PLIN1: variants seen among roughly 807,000 people sequenced by gnomAD.
The protein encoded by PLIN1 is perilipin-1.
In PLIN1, 37 loss-of-function variants were observed where a neutral mutation model predicts 45.8. The ratio of observed to expected loss-of-function variants is 0.81; its 90% CI spans 0.62 to 1.06. The LOEUF is 1.06. Among genes scored for constraint, PLIN1 ranks in the 50% least tolerant of loss-of-function variants. PLIN1 has a pLI of 0.00. For synonymous variants in PLIN1, 340 were observed against 309.2 expected (o/e 1.10, Z -1.05); for missense variants, 776 against 716.5 (o/e 1.08, Z -0.95).
chr15:89,667,170 C>T lies in PLIN1; in HGVS notation c.975G>A (p.Leu325=), dbSNP rs141040593. Residue 325 remains leucine, a synonymous_variant, in exon 8 of 9, where the codon CTG becomes CTA. Coordinates refer to ENST00000300055, the MANE Select transcript of PLIN1 (RefSeq NM_002666.5). ...CACCCAGGAGGCCTCGAGGGCCTGG[C>T]AGGGCTGCTACCTGGGGGCCAAAGC... ...EENKFSEVAA[L]PGPRGLLGGV... 5 of 1,613,216 alleles carry T rather than the reference C, an allele frequency of 3.1e-6. No individual in the cohort carries two copies. Among genetic ancestry groups the T allele is most frequent in the South Asian group, 1.1e-5 (1 of 91,060 alleles).
intron 3 of PLIN1, among the ~76,000 whole-genome samples, chr15:89,672,172 G>T (rs925380996): frequency 6.6e-6 from 1 of 152,168 alleles, no homozygotes; most frequent in Admixed American, 6.5e-5. Context: ...TGTTGAGATG[G>T]TCAACTGTCC....
Position 89,665,447 on chromosome 15 carries a change from TG to T in PLIN1, c.*135del. 1.7e-6 allele frequency: 1 copy of T among 601,002 alleles called. No individual in the cohort carries two copies. Among genetic ancestry groups the T allele is most frequent in the Non-Finnish European group, 2.6e-6 (1 of 390,416 alleles). 37.2% of individuals were successfully genotyped at this position (601,002 alleles called of 1,614,324 possible). The stretch of plus-strand genomic sequence containing the variant: ...TAAAATAAAAATAAAAAGTGCGCCT[TG>T]GCAGCATCATCAGGATGAGGCTGAG... On this transcript the variant is annotated 3_prime_UTR_variant, in exon 9 of 9. Coordinates refer to ENST00000300055, the MANE Select transcript of PLIN1 (RefSeq NM_002666.5).
chr15:89,675,051 G>A (rs1229267346), intron 2 of PLIN1, among the ~76,000 whole-genome samples: 3 of 152,118 alleles, frequency 2.0e-5, no homozygotes, highest in African/African-American at 7.2e-5. Flanking sequence ...GGGAGTTGGA[G>A]GCTGTAGTGA....
chr15:89,677,364 G>A (rs2141540913), intron 2 of PLIN1, 81 bp downstream of exon 2: 4 of 1,098,180 alleles, frequency 3.6e-6, no homozygotes, highest in Middle Eastern at 2.0e-4. Flanking sequence ...CTTGCTCTAA[G>A]TCCCCTGCAT....
At chr15:89,669,750 G>A in intron 5 of PLIN1, 78 bp from the exon 6 acceptor site, 2 of 1,316,290 alleles carry the variant, frequency 1.5e-6, no homozygotes, top group Non-Finnish European at 2.1e-6. Flanking sequence ...GTCTAGGACT[G>A]GAAAGTAGGT....
chr15:89,667,294 C>T, intron 7 of PLIN1, 113 bp from the exon 8 acceptor site: 1 of 1,417,488 alleles, frequency 7.1e-7, no homozygotes, highest in Non-Finnish European at 9.7e-7. Context: ...TACAAAACTT[C>T]AGGCCTATTC....
intron 3 of PLIN1, among the ~76,000 whole-genome samples, chr15:89,672,432 G>T (rs1264769907): frequency 6.6e-6 from 1 of 152,164 alleles, no homozygotes; most frequent in Non-Finnish European, 1.5e-5. Context: ...TCTTCCAGTT[G>T]GGCAGAATGA....
At chr15:89,671,085 T>G (rs1964432137) in intron 4 of PLIN1, among the ~76,000 whole-genome samples, 1 of 152,312 alleles carries the variant, frequency 6.6e-6, no homozygotes, top group Non-Finnish European at 1.5e-5. Context: ...CATAAAAGGT[T>G]GGATCTTGAG....
chr15:89,666,055 G>C lies in PLIN1; in HGVS notation c.1210-113C>G. Reference sequence around the variant, plus strand: ...GTTCCCCCGGGAGCGGCCGTCAGGAGGACACAGGCTGGGGAGCGGTTCAGT... The same window carrying C: ...GTTCCCCCGGGAGCGGCCGTCAGGACGACACAGGCTGGGGAGCGGTTCAGT... On this transcript the variant is annotated intron_variant, in intron 8 of 8. Transcript: ENST00000300055. The C allele has an allele frequency of 5.1e-6, 4 of 785,448 alleles. No homozygotes were observed. In the South Asian group the frequency reaches 7.5e-5, roughly 15 times the overall value. 48.7% of individuals were successfully genotyped at this position (785,448 alleles called of 1,614,324 possible).
At position 89,670,131 on chromosome 15, in the gene PLIN1, C is replaced by G; in HGVS notation, c.447G>C (p.Gly149=). 1 of 1,614,208 alleles carries G rather than the reference C, an allele frequency of 6.2e-7. No individual in the cohort carries two copies. Among genetic ancestry groups the G allele is most frequent in the Non-Finnish European group, 8.5e-7 (1 of 1,180,032 alleles). The change falls in exon 5 of 9, where the codon GGG becomes GGC. Residue 149 remains glycine, a synonymous_variant. Coordinates refer to ENST00000300055, the MANE Select transcript of PLIN1 (RefSeq NM_002666.5). ...SDKVLGAALA[G]CELAWGVARD... ...TGGCCACCCCCCAGGCAAGCTCGCACCCGGCCAAAGCGGCCCCCAGGACCT... is the reference window on the plus strand; with the variant it reads ...TGGCCACCCCCCAGGCAAGCTCGCAGCCGGCCAAAGCGGCCCCCAGGACCT...
intron 2 of PLIN1, among the ~76,000 whole-genome samples, chr15:89,675,213 G>C (rs1217858229): frequency 1.3e-5 from 2 of 152,116 alleles, no homozygotes; most frequent in African/African-American, 4.8e-5. Flanking sequence ...CATTTCCGGG[G>C]TGCTGTGCTG....
In PLIN1 at chr15:89,674,065, C is replaced by A. The variant is rs561786765; in HGVS notation, c.46-651G>T. 3.3e-5 allele frequency among the ~76,000 whole-genome samples: 5 copies of A among 152,320 alleles called. No homozygotes were observed. The South Asian group carries it at 1.0e-3, about 32-fold the overall frequency. On this transcript the variant is annotated intron_variant, in intron 2 of 8. Coordinates refer to ENST00000300055, the MANE Select transcript of PLIN1 (RefSeq NM_002666.5). ...TCTCACTCCCCGTAGACTGTCATCT[C>A]CGCATCCCCAGAGTGTAGGCCAAAC...
intron 2 of PLIN1, among the ~76,000 whole-genome samples, chr15:89,676,280 C>T (rs951478038): frequency 2.6e-5 from 4 of 152,130 alleles, no homozygotes; most frequent in South Asian, 2.1e-4. Flanking sequence ...GATGGAATCT[C>T]GCTGTCTCCC....
intron 8 of PLIN1, among the ~76,000 whole-genome samples, chr15:89,666,340 C>G (rs1964339954): frequency 9.9e-5 from 15 of 152,056 alleles, no homozygotes; most frequent in Admixed American, 9.8e-4. Context: ...CCCTGGCATG[C>G]TGCTTGGTAG....
chr15:89,665,341 G>C lies in PLIN1; in HGVS notation c.*242C>G. The C allele has an allele frequency of 2.8e-6, 1 of 355,972 alleles. No homozygotes were observed. The highest frequency in any genetic ancestry group is 5.0e-6 in the Non-Finnish European group (1 of 198,846). The allele number at this position is 355,972 out of a possible 1,614,324, so 22.1% of individuals were successfully genotyped here. A position where few individuals can be genotyped will look rare whatever the true frequency, so the allele number is the denominator to read the frequency against. ...TAGTAACAACCAAGCCATAGAATCA[G>C]AGCAGGCTGCGGCTCTGGTGTCCCT... is the stretch of plus-strand genomic sequence containing the variant. On this transcript the variant is annotated 3_prime_UTR_variant, in exon 9 of 9. Coordinates refer to ENST00000300055, the MANE Select transcript of PLIN1 (RefSeq NM_002666.5).
chr15:89,668,264 T>C (rs1043688425), intron 6 of PLIN1, among the ~76,000 whole-genome samples: 2 of 152,264 alleles, frequency 1.3e-5, no homozygotes, highest in African/African-American at 4.8e-5. Context: ...TAGTTCCTTC[T>C]TTTTCATTTC....
rs748797937 is a variant in PLIN1, at chr15:89,670,023, C to T, written c.555G>A (p.Glu185=). 13 of 1,613,748 alleles carry T rather than the reference C, an allele frequency of 8.1e-6. No individual in the cohort carries two copies. The Admixed American group carries it at 2.2e-4, about 27-fold the overall frequency. ...GGADLALGSI[E]KVVEYLLPPD... is the part of the protein sequence containing the mutation. ...GAGGGAGGAGGTACTCCACCACCTTCTCAATGCTGCCCAAGGCCAAGTCGG... is the reference window on the plus strand; with the variant it reads ...GAGGGAGGAGGTACTCCACCACCTTTTCAATGCTGCCCAAGGCCAAGTCGG... The change falls in exon 5 of 9, where the codon GAG becomes GAA. Residue 185 remains glutamate (E), a synonymous_variant. Coordinates refer to ENST00000300055, the MANE Select transcript of PLIN1 (RefSeq NM_002666.5).
intron 2 of PLIN1, among the ~76,000 whole-genome samples, chr15:89,675,235 C>A (rs1237224249): frequency 6.6e-6 from 1 of 152,058 alleles, no homozygotes; most frequent in Non-Finnish European, 1.5e-5. Context: ...TAGTAATGCA[C>A]CTTTGGCAGC....
At chr15:89,671,228 G>A (rs899921920) in intron 4 of PLIN1, among the ~76,000 whole-genome samples, 1 of 152,150 alleles carries the variant, frequency 6.6e-6, no homozygotes, top group African/African-American at 2.4e-5. Context: ...AGTGGGACCC[G>A]CCTCAAGCTC....
Sources: allele counts gnomAD v4.1 joint callset (sites outside exome capture counted in the v4.1 genomes callset), GRCh38; gene constraint gnomAD v4.1.1; transcripts MANE v1.5; gene names NCBI Gene and HGNC (gene_info 2026-07-23, HGNC 2026-07-21).